The following DGKD variants were observed in gnomAD, a reference collection of about 807,000 sequenced individuals.
The protein encoded by DGKD is diacylglycerol kinase delta.
In DGKD, 68 loss-of-function variants were observed where a neutral mutation model predicts 154.4. The ratio of observed to expected loss-of-function variants is 0.44; its 90% CI spans 0.36 to 0.54. The LOEUF is 0.54. Ranked by LOEUF, DGKD falls within the 20% of genes least tolerant of loss-of-function variation. The pLI is 0.00. For missense variants in DGKD, 1,343 were observed against 1,593.6 expected (o/e 0.84, Z 2.68); for synonymous variants, 693 against 638.0 (o/e 1.09, Z -1.30).
Position 233,463,916 on chromosome 2 carries a change from G to A in DGKD, c.3187-248G>A, listed in dbSNP as rs1034578061. The A allele has an allele frequency of 1.6e-5, 8 of 504,486 alleles. No homozygotes were observed. The Admixed American group carries it at 2.6e-4, about 16-fold the overall frequency. 31.3% of individuals were successfully genotyped at this position (504,486 alleles called of 1,614,324 possible). On this transcript the variant is annotated intron_variant, in intron 26 of 29. Transcript: ENST00000264057. Reference sequence around the variant, plus strand: ...CTGACAGAGGGACACAAGCAGGTCAGTTGTCAGCCTTGCTCTATGTGAATT... The same window carrying A: ...CTGACAGAGGGACACAAGCAGGTCAATTGTCAGCCTTGCTCTATGTGAATT...
At chr2:233,372,984 C>T (rs1702396163) in intron 1 of DGKD, among the ~76,000 whole-genome samples, 2 of 152,332 alleles carry the variant, frequency 1.3e-5, no homozygotes, top group South Asian at 4.1e-4. Context: ...CCCACCAGAA[C>T]ACTCCAGTGT....
intron 3 of DGKD, among the ~76,000 whole-genome samples, chr2:233,432,011 G>A (rs916591050): frequency 1.4e-4 from 22 of 152,336 alleles, no homozygotes; most frequent in African/African-American, 5.1e-4. Context: ...GTGAAAAAAA[G>A]CTCCTGTTTT....
intron 1 of DGKD, among the ~76,000 whole-genome samples, chr2:233,365,427 T>TGGGG (rs1354839210): frequency 1.3e-5 from 2 of 151,690 alleles, no homozygotes; most frequent in East Asian, 4.0e-4. Context: ...TTAATAGAGA[T>TGGGG]GGAGGGGGGG....
Position 233,462,407 on chromosome 2 carries a change from A to T in DGKD, c.3041A>T (p.Asn1014Ile). The stretch of plus-strand genomic sequence containing the variant: ...GAGCAGGAACTGGCCCACGCCGTCA[A>T]TGCCAGCTCCAAGTCCATGGACCGT... Reference protein sequence around the residue: ...DMEQELAHAVNASSKSMDRVY... With the variant: ...DMEQELAHAVIASSKSMDRVY... The change falls in exon 25 of 30, where the codon AAT (asparagine) becomes ATT (isoleucine). Residue 1014 changes from asparagine to isoleucine, a missense_variant. By Grantham distance (149) the Asn-to-Ile change is moderately radical. This residue lies in a region of DGKD where 429 missense variants were observed against 496.3 expected (regional missense o/e 0.86). Coordinates refer to ENST00000264057, the MANE Select transcript of DGKD (RefSeq NM_152879.3). 1 of 1,604,570 alleles carries T rather than the reference A, an allele frequency of 6.2e-7. No homozygotes were observed.
intron 12 of DGKD, among the ~76,000 whole-genome samples, chr2:233,447,124 T>A (rs2063104990): frequency 1.3e-5 from 2 of 151,990 alleles, no homozygotes; most frequent in Non-Finnish European, 2.9e-5. Context: ...TGCGCGCCCG[T>A]TCCCTCCCCC....
chr2:233,374,342 C>T (rs1027326006), intron 1 of DGKD, among the ~76,000 whole-genome samples: 3 of 147,622 alleles, frequency 2.0e-5, no homozygotes, highest in Admixed American at 6.8e-5. Context: ...TGAGCCACTG[C>T]GCCTGGCCTT....
At chr2:233,399,356 T>C (rs1353157257) in intron 3 of DGKD, among the ~76,000 whole-genome samples, 1 of 152,224 alleles carries the variant, frequency 6.6e-6, no homozygotes, top group Non-Finnish European at 1.5e-5. Flanking sequence ...TGCCCCTCAT[T>C]GTTCGGCTCT....
chr2:233,357,162 G>T (rs1311367882), intron 1 of DGKD, among the ~76,000 whole-genome samples: 1 of 152,200 alleles, frequency 6.6e-6, no homozygotes, highest in Non-Finnish European at 1.5e-5. Flanking sequence ...GGTCCATCTG[G>T]CAGTGGCTGG....
intron 3 of DGKD, among the ~76,000 whole-genome samples, chr2:233,398,282 A>G (rs1426337946): frequency 6.6e-6 from 1 of 151,228 alleles, no homozygotes; most frequent in Non-Finnish European, 1.5e-5. Context: ...GGCTGGGAGT[A>G]CAGGTGCCGC....
chr2:233,432,530 G>A (rs1674856262), intron 3 of DGKD, among the ~76,000 whole-genome samples: 1 of 152,252 alleles, frequency 6.6e-6, no homozygotes, highest in Non-Finnish European at 1.5e-5. Flanking sequence ...GTGGTGGCGG[G>A]CGCCTGTAGT....
At chr2:233,382,492 T>C (rs1453761655) in intron 1 of DGKD, among the ~76,000 whole-genome samples, 1 of 152,128 alleles carries the variant, frequency 6.6e-6, no homozygotes, top group East Asian at 1.9e-4. Flanking sequence ...CTTTCCTTTC[T>C]GCTACTTTTT....
At chr2:233,384,302 GCT>G (rs2125426435) in intron 1 of DGKD, among the ~76,000 whole-genome samples, 1 of 152,234 alleles carries the variant, frequency 6.6e-6, no homozygotes, top group East Asian at 1.9e-4. Context: ...TTCTCGACGT[GCT>G]CTCTGCTCTC....
Position 233,449,089 on chromosome 2 carries a change from CT to C in DGKD, c.1615-11del. 6.3e-7 allele frequency: 1 copy of C among 1,576,598 alleles called. No homozygotes were observed. Among genetic ancestry groups the C allele is most frequent in the Non-Finnish European group, 8.7e-7 (1 of 1,152,844 alleles). On this transcript the variant is annotated splice_polypyrimidine_tract_variant and intron_variant, in intron 14 of 29. Transcript: ENST00000264057. The surrounding 1 kb of genome is among the most constrained non-coding windows in gnomAD (Gnocchi z 5.3). The stretch of plus-strand genomic sequence containing the variant: ...CTGCCTCAGCTCTGCATGCCATTTC[CT>C]TTCCTTGTTCAGTGCTCTGTCCTGA...
intron 1 of DGKD, among the ~76,000 whole-genome samples, chr2:233,372,328 A>G (rs756390012): frequency 5.3e-5 from 8 of 152,186 alleles, no homozygotes; most frequent in Non-Finnish European, 8.8e-5. Flanking sequence ...AGCCTCTTCT[A>G]CATTTTATGT....
At chr2:233,419,875 G>C (rs1021238283) in intron 3 of DGKD, among the ~76,000 whole-genome samples, 2 of 152,148 alleles carry the variant, frequency 1.3e-5, no homozygotes, top group Non-Finnish European at 2.9e-5. Flanking sequence ...TGTGGTTTGT[G>C]GAGGGGTGTG....
chr2:233,461,544 C>G (rs78126486), intron 24 of DGKD, among the ~76,000 whole-genome samples: 1,556 of 152,352 alleles, frequency 0.01, 18 homozygotes, highest in East Asian at 0.029. Flanking sequence ...CCTCGTCTCT[C>G]CCCCACCCCA....
At position 233,445,911 on chromosome 2, in the gene DGKD, T is replaced by G. The variant is rs2063055019; in HGVS notation, c.1334+149T>G. ...GACCTGAGTATATATTCGGATAGTC[T>G]TTGATATTTGGTCAGATTATGACAA... On this transcript the variant is annotated intron_variant, in intron 11 of 29. Coordinates refer to ENST00000264057, the MANE Select transcript of DGKD (RefSeq NM_152879.3). This position sits in a 1 kb window ranked among gnomAD's most constrained non-coding sequence, Gnocchi z 5.5. The G allele has an allele frequency of 1.9e-6, 2 of 1,047,020 alleles. No homozygotes were observed. The highest frequency in any genetic ancestry group is 1.6e-5 in the African/African-American group (1 of 60,854). The allele number at this position is 1,047,020 out of a possible 1,614,324, so 64.9% of individuals were successfully genotyped here.
At chr2:233,406,141 A>C (rs753916818) in intron 3 of DGKD, among the ~76,000 whole-genome samples, 7 of 152,162 alleles carry the variant, frequency 4.6e-5, no homozygotes, top group African/African-American at 1.7e-4. Context: ...CTCTGTCTCC[A>C]CATGGCCTTT....
chr2:233,388,351 A>T lies in DGKD; in HGVS notation c.251A>T (p.Tyr84Phe). The T allele has an allele frequency of 6.2e-7, 1 of 1,613,474 alleles. No homozygotes were observed. Among genetic ancestry groups the T allele is most frequent in the African/African-American group, 1.3e-5 (1 of 75,018 alleles). The change falls in exon 2 of 30, where the codon TAT becomes TTT. Residue 84 changes from tyrosine to phenylalanine, a missense_variant. Tyr to Phe is a conservative substitution (Grantham distance 22, BLOSUM62 3). This residue lies in a region of DGKD where 332 missense variants were observed against 400.1 expected (regional missense o/e 0.83). Transcript: ENST00000264057. Reference protein sequence around the residue: ...YFKLRGRTLYYAKTAKSIIFD... With the variant: ...YFKLRGRTLYFAKTAKSIIFD... ...AAGCTTCGAGGGCGAACGCTTTACT[A>T]TGCCAAAACGGCAAAGGTGAGGCCC...
Sources: gnomAD v4.1 joint callset for allele counts (sites outside exome capture counted in the v4.1 genomes callset) on GRCh38, gnomAD v4.1.1 for gene constraint, gnomAD v4.1.1 regional missense constraint, Gnocchi (gnomAD v3.1) non-coding constraint, MANE v1.5 for transcripts, NCBI Gene and HGNC (gene_info 2026-07-23, HGNC 2026-07-21) for gene names.